The following ACCSL variants were observed in gnomAD, a reference collection of about 807,000 sequenced individuals.
ACCSL encodes probable inactive 1-aminocyclopropane-1-carboxylate synthase-like protein 2.
Under a neutral mutation model 61.7 loss-of-function variants are expected in ACCSL, and 55 were observed. The ratio of observed to expected loss-of-function variants is 0.89; its 90% CI spans 0.72 to 1.12. ACCSL has a LOEUF of 1.12. Among genes scored for constraint, ACCSL ranks in the 50% most tolerant of loss-of-function variants. The pLI is 0.00. For synonymous variants in ACCSL, 258 were observed against 264.3 expected (o/e 0.98, Z 0.23); for missense variants, 632 against 698.0 (o/e 0.91, Z 1.07).
At chr11:43,954,649 A>G in the ACCSL span, among the ~76,000 whole-genome samples, 1 of 149,964 alleles carries the variant, frequency 6.7e-6, no homozygotes, top group Non-Finnish European at 1.5e-5. Context: ...CAATGGTGCT[A>G]TCTCGGCTCA....
At chr11:43,970,670 C>A in the ACCSL span, among the ~76,000 whole-genome samples, 1 of 152,208 alleles carries the variant, frequency 6.6e-6, no homozygotes, top group Admixed American at 6.5e-5. Flanking sequence ...AGTTGGCATT[C>A]CAACATACTG....
At chr11:43,997,453 G>A in the ACCSL span, among the ~76,000 whole-genome samples, 1,361 of 152,204 alleles carry the variant, frequency 8.9e-3, 9 homozygotes, top group African/African-American at 0.03. Flanking sequence ...AGCTTTCTGG[G>A]TCTGCTAAGT....
At chr11:44,035,240 T>G in the ACCSL span, among the ~76,000 whole-genome samples, 1 of 152,092 alleles carries the variant, frequency 6.6e-6, no homozygotes, top group South Asian at 2.1e-4. Context: ...TTCTGTCACC[T>G]GCTTTAGGTA....
chr11:44,044,491 G>C (rs1952588551), upstream of ACCSL, among the ~76,000 whole-genome samples: 1 of 152,046 alleles, frequency 6.6e-6, no homozygotes, highest in Admixed American at 6.6e-5. Context: ...CTTGTATTTA[G>C]GGATCTATAT....
the ACCSL span, among the ~76,000 whole-genome samples, chr11:43,999,000 C>T: frequency 6.6e-6 from 1 of 152,136 alleles, no homozygotes; most frequent in Admixed American, 6.5e-5. Context: ...TCATACAGAC[C>T]TGAATTTAAA....
chr11:44,026,683 C>T, the ACCSL span, among the ~76,000 whole-genome samples: 35 of 152,026 alleles, frequency 2.3e-4, no homozygotes, highest in African/African-American at 7.2e-4. Flanking sequence ...TGTCCCTTCA[C>T]TAGGGTTTGT....
At chr11:44,008,591 G>A in the ACCSL span, among the ~76,000 whole-genome samples, 1 of 152,270 alleles carries the variant, frequency 6.6e-6, no homozygotes, top group African/African-American at 2.4e-5. Flanking sequence ...GGGACCGGCT[G>A]TATGACCGCG....
the ACCSL span, among the ~76,000 whole-genome samples, chr11:44,039,119 T>C: frequency 6.6e-6 from 1 of 152,156 alleles, no homozygotes; most frequent in East Asian, 1.9e-4. Flanking sequence ...GAATGGGGAA[T>C]GAATAAACAA....
At chr11:43,969,384 T>G in the ACCSL span, among the ~76,000 whole-genome samples, 1 of 152,016 alleles carries the variant, frequency 6.6e-6, no homozygotes, top group Non-Finnish European at 1.5e-5. Context: ...ATAAAAAAAT[T>G]TTTTAAACAA....
At chr11:44,006,353 G>A in the ACCSL span, among the ~76,000 whole-genome samples, 3 of 152,188 alleles carry the variant, frequency 2.0e-5, no homozygotes, top group Non-Finnish European at 4.4e-5. Context: ...CCAGCTCTGG[G>A]TGCTAGCTGG....
chr11:44,009,866 C>T, the ACCSL span, among the ~76,000 whole-genome samples: 2 of 152,196 alleles, frequency 1.3e-5, no homozygotes, highest in African/African-American at 2.4e-5. Flanking sequence ...TTCCTTGTTA[C>T]TCTGAATGGA....
chr11:44,054,382 A>G (rs1952657960), intron 8 of ACCSL, among the ~76,000 whole-genome samples: 1 of 152,148 alleles, frequency 6.6e-6, no homozygotes. Flanking sequence ...TCCCAGCTAT[A>G]GCAGCTGCTA....
the ACCSL span, among the ~76,000 whole-genome samples, chr11:44,037,541 A>G: frequency 6.6e-6 from 1 of 152,198 alleles, no homozygotes; most frequent in East Asian, 1.9e-4. Context: ...AGGCAAGAAA[A>G]TAAGGGTTTA....
chr11:44,004,062 T>C, the ACCSL span, among the ~76,000 whole-genome samples: 1 of 152,206 alleles, frequency 6.6e-6, no homozygotes, highest in East Asian at 1.9e-4. Context: ...GAATGAGGTA[T>C]CTGGGACCCT....
chr11:44,051,340 G>A lies in ACCSL; in HGVS notation c.641G>A (p.Arg214Gln), dbSNP rs572708948. The change falls in exon 4 of 14, where the codon CGG becomes CAG. Residue 214 changes from arginine (R) to glutamine (Q), a missense_variant. Physicochemically the swap from Arg to Gln is conservative, Grantham distance 43 (BLOSUM62 1). Transcript: ENST00000378832. ...CTCTCTGGGTCTGTTTACAGCCTGCGGGAAGAAGTGGCCCGGTTCCTGACC... is the reference window on the plus strand; with the variant it reads ...CTCTCTGGGTCTGTTTACAGCCTGCAGGAAGAAGTGGCCCGGTTCCTGACC... The part of the protein sequence containing the change: ...YPDWRGQPFL[R>Q]EEVARFLTYY... 2.8e-5 allele frequency: 45 copies of A among 1,614,192 alleles called. No homozygotes were observed. The highest frequency in any genetic ancestry group is 7.7e-5 in the South Asian group (7 of 91,076).
chr11:43,944,792 G>C, the ACCSL span: 2 of 152,432 alleles, frequency 1.3e-5, no homozygotes, highest in Non-Finnish European at 2.9e-5. Context: ...TGGCCACCAA[G>C]GTAACAAACT....
Position 44,058,238 on chromosome 11 carries a change from GA to G in ACCSL, c.1328-77del, listed in dbSNP as rs966470073. 5 of 1,497,200 alleles carry G rather than the reference GA, an allele frequency of 3.3e-6. No individual in the cohort carries two copies. The African/African-American group carries it at 7.0e-5, about 21-fold the overall frequency. 92.7% of individuals were successfully genotyped at this position (1,497,200 alleles called of 1,614,324 possible). A position where few individuals can be genotyped will look rare whatever the true frequency, so the allele number is the denominator to read the frequency against. ...ACAAACAAACTTGCATGAAGCCCAG[GA>G]AGGGAGCATTTGGGAAGGAACTCTC... On this transcript the variant is annotated intron_variant, in intron 11 of 13. Coordinates refer to ENST00000378832, the MANE Select transcript of ACCSL (RefSeq NM_001031854.2).
At chr11:43,954,588 CT>C in the ACCSL span, among the ~76,000 whole-genome samples, 68,211 of 145,368 alleles carry the variant, frequency 0.47, 16,440 homozygotes, top group African/African-American at 0.6. Flanking sequence ...TTCTTTCTTT[CT>C]TTTTTTTTTT....
At chr11:43,944,839 C>A in the ACCSL span, 12 of 152,510 alleles carry the variant, frequency 7.9e-5, no homozygotes, top group African/African-American at 2.9e-4. Flanking sequence ...CACACTGGGG[C>A]CCTCTCCCAG....
Sources: gnomAD v4.1 joint callset for allele counts (sites outside exome capture counted in the v4.1 genomes callset) on GRCh38, gnomAD v4.1.1 for gene constraint, MANE v1.5 for transcripts, NCBI Gene and HGNC (gene_info 2026-07-23, HGNC 2026-07-21) for gene names.